The following CELF2 variants were observed in gnomAD, a reference collection of about 807,000 sequenced individuals.
The protein encoded by CELF2 is CUG triplet repeat RNA-binding protein 2.
CELF2 carries 8 observed loss-of-function variants against 62.6 expected under a neutral mutation model. The ratio of observed to expected loss-of-function variants is 0.13; its 90% CI spans 0.07 to 0.23. CELF2 has a LOEUF of 0.23. CELF2 is among the 10% of genes least tolerant of loss of function. The probability of loss-of-function intolerance (pLI) is 1.00; values close to 1 mark genes in which losing one functional copy is unlikely to be tolerated. For synonymous variants in CELF2, 258 were observed against 250.0 expected, an observed-to-expected ratio of 1.03 and a Z score of -0.30; for missense variants, 333 against 671.0, an observed-to-expected ratio of 0.50 and a Z score of 5.56.
intron 1 of CELF2, among the ~76,000 whole-genome samples, chr10:10,906,604 T>G (rs2134232177): frequency 6.6e-6 from 1 of 152,100 alleles, no homozygotes; most frequent in African/African-American, 2.4e-5. Flanking sequence ...ATCCAGGGGG[T>G]TCTTAGTTTT....
chr10:11,226,538 G>A (rs1413293838), intron 3 of CELF2, among the ~76,000 whole-genome samples: 2 of 152,040 alleles, frequency 1.3e-5, no homozygotes, highest in African/African-American at 2.4e-5. Context: ...TGTGTCAGAT[G>A]GCATGGACCT....
chr10:10,775,383 C>G, the CELF2 span, among the ~76,000 whole-genome samples: 2 of 151,982 alleles, frequency 1.3e-5, no homozygotes. Context: ...GTAATCCCAG[C>G]AGTTTGGGAG....
chr10:10,666,876 AAAAG>A, the CELF2 span, among the ~76,000 whole-genome samples: 94 of 75,394 alleles, frequency 1.2e-3, 18 homozygotes, highest in African/African-American at 6.1e-3. Context: ...AAAAAAAAAA[AAAAG>A]AAAAAAAAAA....
chr10:10,596,808 C>T, the CELF2 span, among the ~76,000 whole-genome samples: 4 of 152,226 alleles, frequency 2.6e-5, no homozygotes, highest in African/African-American at 9.6e-5. Flanking sequence ...AAACACAGCT[C>T]TGAAATCTGT....
chr10:10,911,238 G>A (rs1415046681), intron 1 of CELF2, among the ~76,000 whole-genome samples: 1 of 152,212 alleles, frequency 6.6e-6, no homozygotes, highest in Non-Finnish European at 1.5e-5. Flanking sequence ...GGCCGGATGG[G>A]CTCCTCTGCG....
Position 11,048,219 on chromosome 10 carries a change from CAAAGG to C in CELF2, c.74+30061_74+30065del, listed in dbSNP as rs1339713213. Reference sequence around the variant, plus strand: ...AGGTTATTAATCTCTACGACACTGTCAAAGGAAAGAGGGAGAGTTTTATAGCTGCA... The same window carrying C: ...AGGTTATTAATCTCTACGACACTGTCAAAGAGGGAGAGTTTTATAGCTGCA... On this transcript the variant is annotated intron_variant, in intron 1 of 12. Transcript: ENST00000633077. Among the ~76,000 whole-genome samples the C allele has an allele frequency of 3.3e-5, 5 of 152,312 alleles. No homozygotes were observed. In the South Asian group the frequency reaches 8.3e-4, roughly 25 times the overall value.
At chr10:11,326,275 C>T (rs921867431) in intron 12 of CELF2, among the ~76,000 whole-genome samples, 1 of 152,264 alleles carries the variant, frequency 6.6e-6, no homozygotes, top group Non-Finnish European at 1.5e-5. Context: ...AATTCAGACA[C>T]CGTGGTTGTG....
the CELF2 span, among the ~76,000 whole-genome samples, chr10:10,656,061 G>A: frequency 1.3e-4 from 19 of 150,018 alleles, no homozygotes; most frequent in African/African-American, 4.4e-4. Flanking sequence ...GTGGGCGAAG[G>A]ACATGAACAG....
rs868424703 is a variant in CELF2, at chr10:11,257,671, A to G, written c.404-67A>G. The G allele has an allele frequency of 1.8e-5, 28 of 1,571,812 alleles. No individual in the cohort carries two copies. In the African/African-American group the frequency reaches 3.4e-4, roughly 19 times the overall value. ...GGCTGGGGCCTGGTTTGATGGGGTAATGAAGCATTGATTACAAGAAAAAAA... is the reference window on the plus strand; with the variant it reads ...GGCTGGGGCCTGGTTTGATGGGGTAGTGAAGCATTGATTACAAGAAAAAAA... On this transcript the variant is annotated intron_variant, in intron 4 of 12. Coordinates refer to ENST00000633077, the MANE Select transcript of CELF2 (RefSeq NM_001326342.2).
the CELF2 span, among the ~76,000 whole-genome samples, chr10:10,654,325 T>C: frequency 9.2e-6 from 1 of 109,120 alleles, no homozygotes; most frequent in Non-Finnish European, 2.0e-5. Flanking sequence ...CTGAAACTAT[T>C]CCAATCAATA....
At chr10:10,784,683 A>T in the CELF2 span, 4 of 152,330 alleles carry the variant, frequency 2.6e-5, no homozygotes, top group Non-Finnish European at 1.5e-5. Context: ...TGGAGCCAGC[A>T]GTTTGGGGTT....
intron 2 of CELF2, among the ~76,000 whole-genome samples, chr10:11,170,649 T>G (rs2068579306): frequency 6.6e-6 from 1 of 152,042 alleles, no homozygotes; most frequent in Non-Finnish European, 1.5e-5. Flanking sequence ...CCGGCAATGC[T>G]GAAAGACAGC....
the CELF2 span, among the ~76,000 whole-genome samples, chr10:10,611,015 A>C: frequency 2.6e-5 from 4 of 152,286 alleles, no homozygotes; most frequent in Admixed American, 2.6e-4. Context: ...GAGGCTAATG[A>C]GTTTGGACGA....
At chr10:11,196,180 G>C (rs546413675) in intron 2 of CELF2, among the ~76,000 whole-genome samples, 4 of 152,298 alleles carry the variant, frequency 2.6e-5, no homozygotes, top group African/African-American at 9.6e-5. Context: ...ATTTAGACCA[G>C]TCGTCCCACA....
the CELF2 span, among the ~76,000 whole-genome samples, chr10:10,541,449 T>C: frequency 6.6e-6 from 1 of 152,046 alleles, no homozygotes; most frequent in Non-Finnish European, 1.5e-5. Flanking sequence ...GGCTACTCCA[T>C]AGGTAGAGCA....
At chr10:10,611,659 G>C in the CELF2 span, among the ~76,000 whole-genome samples, 2 of 152,092 alleles carry the variant, frequency 1.3e-5, no homozygotes, top group East Asian at 3.9e-4. Flanking sequence ...TGATTTCCTG[G>C]TTTAGCTAGA....
the CELF2 span, among the ~76,000 whole-genome samples, chr10:10,759,969 G>A: frequency 5.9e-5 from 9 of 152,074 alleles, no homozygotes; most frequent in East Asian, 1.7e-3. Context: ...GCAGTGATGC[G>A]ATCTTGGCTC....
chr10:10,511,029 C>T, the CELF2 span, among the ~76,000 whole-genome samples: 1 of 152,186 alleles, frequency 6.6e-6, no homozygotes, highest in Non-Finnish European at 1.5e-5. Flanking sequence ...CATAGGCCTG[C>T]CTGGAGCTTG....
the CELF2 span, among the ~76,000 whole-genome samples, chr10:10,648,019 T>A: frequency 6.6e-6 from 1 of 152,208 alleles, no homozygotes; most frequent in Admixed American, 6.5e-5. Flanking sequence ...CAGATGTTTT[T>A]AACTCCAAAC....
Sources: gnomAD v4.1 joint callset for allele counts (sites outside exome capture counted in the v4.1 genomes callset) on GRCh38, gnomAD v4.1.1 for gene constraint, MANE v1.5 for transcripts, NCBI Gene and HGNC (gene_info 2026-07-23, HGNC 2026-07-21) for gene names.